Variants in TTC6 observed in about 807,000 individuals in gnomAD.
TTC6 encodes tetratricopeptide repeat domain 6.
Under a neutral mutation model 210.4 loss-of-function variants are expected in TTC6, and 172 were observed. The observed-to-expected ratio is 0.82, with a 90% confidence interval of 0.72 to 0.93. The LOEUF is 0.93. TTC6 is among the 40% of genes least tolerant of loss of function. The probability of loss-of-function intolerance (pLI) is 0.00; values close to 1 mark genes in which losing one functional copy is unlikely to be tolerated. For missense variants in TTC6, 2,414 were observed against 2,318.1 expected, an observed-to-expected ratio of 1.04 and a Z score of -0.85; for synonymous variants, 804 against 819.6, an observed-to-expected ratio of 0.98 and a Z score of 0.32.
intron 14 of TTC6, among the ~76,000 whole-genome samples, chr14:37,778,146 T>C (rs1595247288): frequency 6.6e-6 from 1 of 150,710 alleles, no homozygotes; most frequent in African/African-American, 2.4e-5. Flanking sequence ...TCAGCTGGGG[T>C]GGTGTGCTGG....
chr14:37,705,808 G>A (rs2095834398), intron 5 of TTC6, among the ~76,000 whole-genome samples: 1 of 152,122 alleles, frequency 6.6e-6, no homozygotes, highest in Admixed American at 6.6e-5. Context: ...GATTATTTGG[G>A]GAGGTTTGAG....
chr14:37,772,117 G>T (rs1397829870), intron 14 of TTC6, among the ~76,000 whole-genome samples: 1 of 152,192 alleles, frequency 6.6e-6, no homozygotes, highest in African/African-American at 2.4e-5. Flanking sequence ...AGGCTGCTCG[G>T]GGATCAGGGG....
chr14:37,785,511 C>T (rs572464522), intron 14 of TTC6, among the ~76,000 whole-genome samples: 2 of 152,246 alleles, frequency 1.3e-5, no homozygotes, highest in South Asian at 2.1e-4. Context: ...TCTAGTTAGC[C>T]ATTCGTGTAA....
At chr14:37,825,585 G>C (rs1032960589) in intron 27 of TTC6, among the ~76,000 whole-genome samples, 1 of 152,022 alleles carries the variant, frequency 6.6e-6, no homozygotes, top group Non-Finnish European at 1.5e-5. Flanking sequence ...CTCTGACATC[G>C]TTCTGTTAAC....
chr14:37,827,407 A>G, intron 29 of TTC6, 41 bp downstream of exon 31: 3 of 1,592,852 alleles, frequency 1.9e-6, no homozygotes, highest in African/African-American at 2.7e-5. Context: ...TTGACCTGGA[A>G]TGCTTTCTTT....
Position 37,817,793 on chromosome 14 carries a change from C to T in TTC6, c.4763+142C>T, listed in dbSNP as rs28429224. ...TATAGAGTACAAAAATGGGGAGGGA[C>T]ACAAAGAGTTCCCTGTGTAGACACG... On this transcript the variant is annotated intron_variant, in intron 26 of 30. Coordinates refer to ENST00000553443, the Ensembl canonical transcript of TTC6. 591 of 764,368 alleles carry T rather than the reference C, an allele frequency of 7.7e-4. 3 individuals are homozygous for T. The highest frequency in any genetic ancestry group is 6.8e-3 in the African/African-American group (390 of 57,080). 47.3% of individuals were successfully genotyped at this position (764,368 alleles called of 1,614,324 possible).
intron 25 of TTC6, among the ~76,000 whole-genome samples, chr14:37,816,481 G>A (rs2139457715): frequency 6.6e-6 from 1 of 152,264 alleles, no homozygotes; most frequent in South Asian, 2.1e-4. Flanking sequence ...GAAGCCTGGA[G>A]GGATTTCCTT....
intron 20 of TTC6, 61 bp downstream of exon 22, chr14:37,797,008 A>G: frequency 7.5e-7 from 1 of 1,337,068 alleles, no homozygotes; most frequent in East Asian, 2.8e-5. Context: ...TATTGTGCTT[A>G]GTATACCACT....
intron 14 of TTC6, among the ~76,000 whole-genome samples, chr14:37,757,370 C>G (rs1034117160): frequency 2.6e-5 from 4 of 152,112 alleles, no homozygotes; most frequent in African/African-American, 4.8e-5. Context: ...ATGCCATTCT[C>G]CTGCCTCAGC....
At chr14:37,728,654 A>G (rs1196713752) in intron 7 of TTC6, among the ~76,000 whole-genome samples, 2 of 151,980 alleles carry the variant, frequency 1.3e-5, no homozygotes, top group Non-Finnish European at 2.9e-5. Context: ...TTTGTTTTAG[A>G]GGTGCTATAT....
At chr14:37,753,776 C>T (rs1040207727) in intron 14 of TTC6, among the ~76,000 whole-genome samples, 20 of 148,948 alleles carry the variant, frequency 1.3e-4, no homozygotes, top group African/African-American at 4.5e-4. Context: ...AATGGGATCT[C>T]GCTTTGTTGC....
chr14:37,715,813 G>T (rs567431125), intron 6 of TTC6, among the ~76,000 whole-genome samples: 1 of 152,122 alleles, frequency 6.6e-6, no homozygotes, highest in Non-Finnish European at 1.5e-5. Context: ...AGAATTTGTT[G>T]CCAGCATACC....
chr14:37,626,184 T>C (rs1158888908), intron 1 of TTC6, among the ~76,000 whole-genome samples: 1 of 149,080 alleles, frequency 6.7e-6, no homozygotes, highest in African/African-American at 2.4e-5. Flanking sequence ...GCAGGAGAAG[T>C]AGAAATGTTA....
intron 14 of TTC6, among the ~76,000 whole-genome samples, chr14:37,776,731 A>T (rs2096038700): frequency 6.6e-6 from 1 of 152,062 alleles, no homozygotes; most frequent in Admixed American, 6.5e-5. Flanking sequence ...CTCTACCAAA[A>T]AAATACACAA....
At chr14:37,842,447 A>T (rs1158508199) in exon 31 of TTC6, 1 of 589,442 alleles carries the variant, frequency 1.7e-6, no homozygotes, top group African/African-American at 1.9e-5. Context: ...AATGTTTGTT[A>T]TACATTAATT....
intron 1 of TTC6, among the ~76,000 whole-genome samples, chr14:37,629,776 G>A (rs560028268): frequency 3.3e-5 from 5 of 152,210 alleles, no homozygotes; most frequent in East Asian, 1.9e-4. Context: ...TTTGAGATAC[G>A]TCCCATCAAT....
intron 25 of TTC6, among the ~76,000 whole-genome samples, chr14:37,816,894 C>T (rs1324822264): frequency 6.6e-5 from 10 of 152,256 alleles, no homozygotes; most frequent in East Asian, 5.8e-4. Context: ...CTCTGGGCTA[C>T]GGTGGCAGGA....
chr14:37,667,079 A>G (rs1293366639), intron 1 of TTC6, among the ~76,000 whole-genome samples: 2 of 150,096 alleles, frequency 1.3e-5, no homozygotes, highest in Non-Finnish European at 3.0e-5. Flanking sequence ...TTTATAAACC[A>G]TGCTGTTTTC....
intron 1 of TTC6, among the ~76,000 whole-genome samples, chr14:37,625,293 A>T (rs1361751652): frequency 6.6e-6 from 1 of 152,108 alleles, no homozygotes; most frequent in African/African-American, 2.4e-5. Context: ...CACGCTTGTA[A>T]TCCCAGCACT....
Sources: allele counts gnomAD v4.1 joint callset (sites outside exome capture counted in the v4.1 genomes callset), GRCh38; gene constraint gnomAD v4.1.1; transcripts MANE v1.5; gene names NCBI Gene and HGNC (gene_info 2026-07-23, HGNC 2026-07-21).